Variants in LAMA4 observed in about 807,000 individuals in gnomAD.
The protein encoded by LAMA4 is laminin subunit alpha-4.
LAMA4 carries 127 observed loss-of-function variants against 207.1 expected under a neutral mutation model. The ratio of observed to expected loss-of-function variants is 0.61; its 90% CI spans 0.53 to 0.71. The LOEUF (loss-of-function observed/expected upper bound fraction) is 0.71. LAMA4 is among the 30% of genes least tolerant of loss of function. LAMA4 has a pLI of 0.00. For missense variants in LAMA4, 2,093 were observed against 2,246.5 expected (o/e 0.93, Z 1.38); for synonymous variants, 761 against 816.0 (o/e 0.93, Z 1.15).
chr6:112,152,335 G>A (rs1780449601), intron 16 of LAMA4, among the ~76,000 whole-genome samples: 1 of 152,076 alleles, frequency 6.6e-6, no homozygotes, highest in Non-Finnish European at 1.5e-5. Context: ...ACATATGTAT[G>A]TACATACAGT....
intron 5 of LAMA4, among the ~76,000 whole-genome samples, chr6:112,192,131 G>T (rs1554349283): frequency 6.6e-6 from 1 of 152,198 alleles, no homozygotes; most frequent in African/African-American, 2.4e-5. Flanking sequence ...CAGGGAACTG[G>T]TGTACACAAA....
intron 11 of LAMA4, among the ~76,000 whole-genome samples, chr6:112,174,469 T>C (rs1243073014): frequency 6.6e-6 from 1 of 152,220 alleles, no homozygotes; most frequent in African/African-American, 2.4e-5. Context: ...TGGTTATTGT[T>C]TTAAATGAAT....
intron 4 of LAMA4, among the ~76,000 whole-genome samples, chr6:112,205,478 A>C (rs1317143914): frequency 6.6e-6 from 1 of 152,180 alleles, no homozygotes; most frequent in Admixed American, 6.5e-5. Context: ...TCTAGGGAGA[A>C]AGTAACTTTT....
intron 5 of LAMA4, among the ~76,000 whole-genome samples, chr6:112,195,994 G>A (rs1554350378): frequency 6.9e-6 from 1 of 144,178 alleles, no homozygotes; most frequent in Non-Finnish European, 1.5e-5. Context: ...ATATTTGGGG[G>A]CAGGTGAAGC....
intron 3 of LAMA4, chr6:112,214,083 C>T (rs782240650): frequency 2.7e-6 from 2 of 738,402 alleles, no homozygotes; most frequent in South Asian, 1.5e-5. Flanking sequence ...GGGATAGCGG[C>T]ACCAAAGGAA....
rs1583672356 is a variant in LAMA4, at chr6:112,133,489, T to A, written c.3558-2A>T. 2 of 1,613,542 alleles carry A rather than the reference T, an allele frequency of 1.2e-6. No homozygotes were observed. The highest frequency in any genetic ancestry group is 2.2e-5 in the East Asian group (1 of 44,866). On this transcript the variant is annotated splice_acceptor_variant, in intron 26 of 38. Transcript: ENST00000230538. LOFTEE classifies it high-confidence loss of function. ...AGGGGAAGGTGTGCTCTGAGGGCCC[T>A]GGAAAAGAAAGTCAGCCTCACTGAT...
intron 15 of LAMA4, chr6:112,155,287 G>A: frequency 1.8e-6 from 1 of 560,114 alleles, no homozygotes; most frequent in Non-Finnish European, 3.2e-6. Context: ...CTATCAGCAA[G>A]AACTAATTTT....
chr6:112,216,888 G>A (rs1035031144), intron 2 of LAMA4: 10 of 248,986 alleles, frequency 4.0e-5, no homozygotes, highest in Non-Finnish European at 7.1e-5. Context: ...AAGACTTCTC[G>A]TTTCAGCAAT....
intron 16 of LAMA4, 85 bp from the exon 17 acceptor site, chr6:112,150,712 G>T: frequency 1.1e-6 from 1 of 898,930 alleles, no homozygotes; most frequent in Non-Finnish European, 1.9e-6. Context: ...CTTCTCATTT[G>T]TACGATGCAG....
At chr6:112,238,557 A>C (rs1382567483) in intron 2 of LAMA4, among the ~76,000 whole-genome samples, 7 of 151,992 alleles carry the variant, frequency 4.6e-5, no homozygotes, top group Non-Finnish European at 1.0e-4. Flanking sequence ...TAAAAATACA[A>C]AAATTAGTCA....
At position 112,127,205 on chromosome 6, in the gene LAMA4, CAATA is replaced by C. The variant is rs1778748148; in HGVS notation, c.4287+1713_4287+1716del. Among the ~76,000 whole-genome samples, 3 of 151,144 alleles carry C rather than the reference CAATA, an allele frequency of 2.0e-5. No homozygotes were observed. In the South Asian group the frequency reaches 6.3e-4, roughly 32 times the overall value. ...GCTTGCATTTAGTAGAGGAGACAGA[CAATA>C]AATAATAAACATAATAAAGAAAGCA... On this transcript the variant is annotated intron_variant, in intron 31 of 38. Transcript: ENST00000230538.
chr6:112,180,049 C>A (rs1283766780), intron 9 of LAMA4: 4 of 393,658 alleles, frequency 1.0e-5, no homozygotes, highest in African/African-American at 8.6e-5. Context: ...AAAATACGGA[C>A]ACAAGCATTT....
At chr6:112,168,899 G>C (rs947747984) in intron 12 of LAMA4, among the ~76,000 whole-genome samples, 1 of 152,144 alleles carries the variant, frequency 6.6e-6, no homozygotes, top group East Asian at 1.9e-4. Context: ...TGGCTTAAAG[G>C]CTAGACAGAA....
chr6:112,118,873 C>G lies in LAMA4; in HGVS notation c.4821+283G>C, dbSNP rs1485778864. ...ATTAAAAGTATGGGTACTTCCTGAA[C>G]AAATAAGATCTCCTTGAGACATAAA... On this transcript the variant is annotated intron_variant, in intron 34 of 38. Transcript: ENST00000230538. The surrounding 1 kb of genome is among the most constrained non-coding windows in gnomAD (Gnocchi z 4.6). Among the ~76,000 whole-genome samples, 1 of 151,956 alleles carries G rather than the reference C, an allele frequency of 6.6e-6. No homozygotes were observed. The highest frequency in any genetic ancestry group is 1.5e-5 in the Non-Finnish European group (1 of 67,990).
intron 2 of LAMA4, among the ~76,000 whole-genome samples, chr6:112,250,561 T>G (rs577776388): frequency 1.3e-5 from 2 of 152,342 alleles, no homozygotes; most frequent in African/African-American, 4.8e-5. Context: ...GAGGGGCAAC[T>G]CATTGACAAC....
At chr6:112,149,706 C>A (rs782119741) in intron 17 of LAMA4, among the ~76,000 whole-genome samples, 1 of 152,106 alleles carries the variant, frequency 6.6e-6, no homozygotes, top group Non-Finnish European at 1.5e-5. Context: ...CGGACTAATA[C>A]AGCTATGTTG....
At chr6:112,186,754 T>C (rs1013997660) in intron 8 of LAMA4, 16 of 449,162 alleles carry the variant, frequency 3.6e-5, no homozygotes, top group African/African-American at 2.6e-4. Flanking sequence ...GTTGCATTAT[T>C]TTTTATTGTT....
At chr6:112,136,636 G>C (rs56365734) in intron 24 of LAMA4, among the ~76,000 whole-genome samples, 256 of 151,046 alleles carry the variant, frequency 1.7e-3, no homozygotes, top group Admixed American at 5.7e-3. Context: ...AAGTTACAGT[G>C]AGCCGAGATC....
At chr6:112,226,571 A>C (rs1314070949) in intron 2 of LAMA4, among the ~76,000 whole-genome samples, 9 of 152,230 alleles carry the variant, frequency 5.9e-5, no homozygotes, top group African/African-American at 2.2e-4. Context: ...ATTTTAATTT[A>C]TACTCTTGCC....
Sources: gnomAD v4.1 joint callset for allele counts (sites outside exome capture counted in the v4.1 genomes callset) on GRCh38, gnomAD v4.1.1 for gene constraint, Gnocchi (gnomAD v3.1) non-coding constraint, MANE v1.5 for transcripts, NCBI Gene and HGNC (gene_info 2026-07-23, HGNC 2026-07-21) for gene names.